Variants in MSL2 observed in about 807,000 individuals in gnomAD.
MSL2 encodes the protein E3 ubiquitin-protein ligase MSL2.
MSL2 carries 2 observed loss-of-function variants against 35.8 expected under a neutral mutation model. The ratio of observed to expected loss-of-function variants is 0.06; its 90% CI spans 0.02 to 0.18. The LOEUF (loss-of-function observed/expected upper bound fraction) is 0.18, where lower values mean the gene tolerates loss of function less well. Ranked by LOEUF, MSL2 falls within the 10% of genes least tolerant of loss-of-function variation. MSL2 has a pLI of 1.00. For missense variants in MSL2, 523 were observed against 706.7 expected, an observed-to-expected ratio of 0.74 and a Z score of 2.95; for synonymous variants, 296 against 255.7, an observed-to-expected ratio of 1.16 and a Z score of -1.50.
intron 1 of MSL2, among the ~76,000 whole-genome samples, chr3:136,156,621 T>C (rs1939531857): frequency 6.6e-6 from 1 of 152,176 alleles, no homozygotes; most frequent in African/African-American, 2.4e-5. Flanking sequence ...ATCCAGCACC[T>C]TGGGAGGCCA....
chr3:136,195,492 GCCT>G lies in MSL2; in HGVS notation c.-382_-380del, dbSNP rs1438246390. 6.9e-6 allele frequency: 7 copies of G among 1,015,250 alleles called. No individual in the cohort carries two copies. Among genetic ancestry groups the G allele is most frequent in the Non-Finnish European group, 8.2e-6 (7 of 849,174 alleles). 62.9% of individuals were successfully genotyped at this position (1,015,250 alleles called of 1,614,324 possible). A position where few individuals can be genotyped will look rare whatever the true frequency, so the allele number is the denominator to read the frequency against. Reference sequence around the variant, plus strand: ...GAGCTCCATCTCCGGACACGGAGGCGCCTCCTCAAGTCGAGCTGGCAGGCGCGG... The same window carrying G: ...GAGCTCCATCTCCGGACACGGAGGCGCCTCAAGTCGAGCTGGCAGGCGCGG... On this transcript the variant is annotated 5_prime_UTR_variant, in exon 1 of 2. Coordinates refer to ENST00000309993, the MANE Select transcript of MSL2 (RefSeq NM_018133.4).
At chr3:136,192,778 C>G (rs183184696) in intron 1 of MSL2, among the ~76,000 whole-genome samples, 5 of 152,260 alleles carry the variant, frequency 3.3e-5, no homozygotes, top group Admixed American at 2.0e-4. Context: ...TTTACAAATG[C>G]ATTATCTTCA....
At position 136,151,009 on chromosome 3, in the gene MSL2, C is replaced by T. The variant is rs1939346623; in HGVS notation, c.*138G>A. 1.4e-5 allele frequency: 13 copies of T among 918,180 alleles called. No individual in the cohort carries two copies. Among genetic ancestry groups the T allele is most frequent in the Non-Finnish European group, 2.0e-5 (12 of 598,176 alleles). 56.9% of individuals were successfully genotyped at this position (918,180 alleles called of 1,614,324 possible). A position where few individuals can be genotyped will look rare whatever the true frequency, so the allele number is the denominator to read the frequency against. ...GCAAACTATTTCCCCGACACTAACA[C>T]ATATAACTTAGCAATGAAAACACTT... On this transcript the variant is annotated 3_prime_UTR_variant, in exon 2 of 2. Coordinates refer to ENST00000309993, the MANE Select transcript of MSL2 (RefSeq NM_018133.4). The surrounding 1 kb of genome is among the most constrained non-coding windows in gnomAD (Gnocchi z 5.2).
chr3:136,194,822 C>T (rs1940789921), intron 1 of MSL2, 150 bp downstream of exon 1: 1 of 1,270,676 alleles, frequency 7.9e-7, no homozygotes, highest in Middle Eastern at 2.2e-4. Flanking sequence ...AAAAGTCCCT[C>T]AGCAAGTTTC....
intron 1 of MSL2, among the ~76,000 whole-genome samples, chr3:136,185,652 C>T (rs1056453802): frequency 6.6e-6 from 1 of 151,550 alleles, no homozygotes; most frequent in Non-Finnish European, 1.5e-5. Flanking sequence ...TTCTCCTGTG[C>T]GCACCACCAC....
Position 136,151,047 on chromosome 3 carries a change from C to A in MSL2, c.*100G>T. On this transcript the variant is annotated 3_prime_UTR_variant, in exon 2 of 2. Coordinates refer to ENST00000309993, the MANE Select transcript of MSL2 (RefSeq NM_018133.4). This position sits in a 1 kb window ranked among gnomAD's most constrained non-coding sequence, Gnocchi z 5.2. ...AATGAAAACACTTGATACAAGTGAT[C>A]TATATGCAGGAGCTCCGGCAAGTTA... The A allele has an allele frequency of 7.9e-7, 1 of 1,272,516 alleles. No homozygotes were observed. The highest frequency in any genetic ancestry group is 1.1e-6 in the Non-Finnish European group (1 of 905,556). The allele number at this position is 1,272,516 out of a possible 1,614,324, so 78.8% of individuals were successfully genotyped here.
At position 136,166,380 on chromosome 3, in the gene MSL2, T is replaced by C. The variant is rs1184474385; in HGVS notation, c.143-13642A>G. The stretch of plus-strand genomic sequence containing the variant: ...TCCAGCCTGGGCGACAGAGCGAGAC[T>C]CTATCTCAAAAAAAAAGTAAGTTTT... On this transcript the variant is annotated intron_variant, in intron 1 of 1. Coordinates refer to ENST00000309993, the MANE Select transcript of MSL2 (RefSeq NM_018133.4). Among the ~76,000 whole-genome samples, 3 of 151,580 alleles carry C rather than the reference T, an allele frequency of 2.0e-5. No homozygotes were observed. In the East Asian group the frequency reaches 5.8e-4, roughly 29 times the overall value.
intron 1 of MSL2, among the ~76,000 whole-genome samples, chr3:136,169,196 G>A (rs1234790203): frequency 1.5e-5 from 2 of 130,324 alleles, no homozygotes; most frequent in East Asian, 4.6e-4. Context: ...CCTGTACCAT[G>A]GGGGCATGGC....
intron 1 of MSL2, among the ~76,000 whole-genome samples, chr3:136,165,766 T>C (rs1939829138): frequency 6.6e-6 from 1 of 152,172 alleles, no homozygotes; most frequent in Non-Finnish European, 1.5e-5. Context: ...TAAGATTTAA[T>C]TGTTAATGGC....
chr3:136,192,722 G>A (rs911895496), intron 1 of MSL2, among the ~76,000 whole-genome samples: 3 of 152,164 alleles, frequency 2.0e-5, no homozygotes, highest in Non-Finnish European at 4.4e-5. Flanking sequence ...AGGACGTGTT[G>A]AAACAAATTC....
At chr3:136,186,377 ATTC>A (rs1940524638) in intron 1 of MSL2, among the ~76,000 whole-genome samples, 1 of 152,112 alleles carries the variant, frequency 6.6e-6, no homozygotes, top group African/African-American at 2.4e-5. Context: ...ATCCTCCTCT[ATTC>A]TTCTAATCAG....
At chr3:136,166,154 C>T (rs1225114813) in intron 1 of MSL2, among the ~76,000 whole-genome samples, 4 of 150,666 alleles carry the variant, frequency 2.7e-5, no homozygotes, top group South Asian at 2.1e-4. Context: ...TTTGGGAGGC[C>T]GAGGTGGGCG....
At chr3:136,154,573 A>T (rs1939463518) in intron 1 of MSL2, among the ~76,000 whole-genome samples, 1 of 152,118 alleles carries the variant, frequency 6.6e-6, no homozygotes, top group Admixed American at 6.6e-5. Flanking sequence ...TCAGTGGGAA[A>T]AAAAAAAATG....
chr3:136,182,693 G>C (rs939422345), intron 1 of MSL2, among the ~76,000 whole-genome samples: 11 of 150,450 alleles, frequency 7.3e-5, no homozygotes, highest in Non-Finnish European at 1.0e-4. Flanking sequence ...TCCAGCCTGG[G>C]AGACAGAGCG....
chr3:136,188,897 A>C (rs931081315), intron 1 of MSL2, among the ~76,000 whole-genome samples: 1 of 151,842 alleles, frequency 6.6e-6, no homozygotes, highest in Non-Finnish European at 1.5e-5. Flanking sequence ...TCAACTTATC[A>C]TAAGATGAAG....
chr3:136,162,273 TAA>T (rs559618888), intron 1 of MSL2, among the ~76,000 whole-genome samples: 25 of 135,836 alleles, frequency 1.8e-4, no homozygotes, highest in Admixed American at 2.9e-4. Flanking sequence ...ATAAGGTTTT[TAA>T]AAAAAAAAAA....
intron 1 of MSL2, among the ~76,000 whole-genome samples, chr3:136,164,768 C>T (rs1939793839): frequency 6.6e-6 from 1 of 152,186 alleles, no homozygotes; most frequent in African/African-American, 2.4e-5. Flanking sequence ...GGTAGATTCT[C>T]CTATAAAAAC....
chr3:136,159,354 CTTTTTTTTTT>C (rs71157361), intron 1 of MSL2, among the ~76,000 whole-genome samples: 7 of 70,052 alleles, frequency 1.0e-4, no homozygotes, highest in Admixed American at 5.2e-4. Context: ...AGAGTACTTT[CTTTTTTTTTT>C]TTTTTTTTTT....
intron 1 of MSL2, among the ~76,000 whole-genome samples, chr3:136,178,979 CTTTTTTTTT>C (rs763670751): frequency 1.4e-4 from 14 of 101,814 alleles, no homozygotes; most frequent in Non-Finnish European, 2.3e-4. Context: ...TGTTGGTTTT[CTTTTTTTTT>C]TTTTTTTTTT....
Sources: gnomAD v4.1 joint callset for allele counts (sites outside exome capture counted in the v4.1 genomes callset) on GRCh38, gnomAD v4.1.1 for gene constraint, Gnocchi (gnomAD v3.1) non-coding constraint, MANE v1.5 for transcripts, NCBI Gene and HGNC (gene_info 2026-07-23, HGNC 2026-07-21) for gene names.